ABR: variants seen among roughly 807,000 people sequenced by gnomAD.
ABR encodes active breakpoint cluster region-related protein.
A neutral mutation model predicts 107.2 loss-of-function variants in ABR; 35 were observed. The ratio of observed to expected loss-of-function variants is 0.33; its 90% CI spans 0.25 to 0.43. The LOEUF is 0.43. Among genes scored for constraint, ABR ranks in the 20% least tolerant of loss-of-function variants. The probability of loss-of-function intolerance (pLI) is 1.00; values close to 1 mark genes in which losing one functional copy is unlikely to be tolerated. For synonymous variants in ABR, 498 were observed against 462.0 expected, an observed-to-expected ratio of 1.08 and a Z score of -1.00; for missense variants, 815 against 1,115.2, an observed-to-expected ratio of 0.73 and a Z score of 3.83.
chr17:1,228,751 G>C (rs1441404428), intron 1 of ABR: 1 of 151,958 alleles, frequency 6.6e-6, no homozygotes. Context: ...CGGGGTGGGG[G>C]GCGCGCGGCG....
At chr17:1,222,533 AG>A (rs1418754143) in intron 1 of ABR, among the ~76,000 whole-genome samples, 1 of 152,236 alleles carries the variant, frequency 6.6e-6, no homozygotes, top group African/African-American at 2.4e-5. Context: ...TGGGAAGGGC[AG>A]AAAACCCATC....
intron 4 of ABR, among the ~76,000 whole-genome samples, chr17:1,085,212 G>A (rs946527149): frequency 6.5e-5 from 9 of 137,938 alleles, no homozygotes; most frequent in Admixed American, 5.3e-4. Flanking sequence ...TCCCAGGTTC[G>A]CGCCATTCTC....
rs749435127 is a variant in ABR, at chr17:1,037,451, CAGG to C, written c.1791+12596_1791+12598del. ...AAACAGCCCAAGAGCTTGTCTGCTG[CAGG>C]AGAAGTGTCCCGACAGCCCGTCCCT... On this transcript the variant is annotated intron_variant, in intron 16 of 22. Coordinates refer to ENST00000302538, the MANE Select transcript of ABR (RefSeq NM_021962.5). This position sits in a 1 kb window ranked among gnomAD's most constrained non-coding sequence, Gnocchi z 4.6. 1.1e-4 allele frequency among the ~76,000 whole-genome samples: 17 copies of C among 152,338 alleles called. No homozygotes were observed. The highest frequency in any genetic ancestry group is 5.9e-4 in the Admixed American group (9 of 15,308).
At chr17:1,178,650 A>AC (rs2042001484) in intron 1 of ABR, among the ~76,000 whole-genome samples, 1 of 151,668 alleles carries the variant, frequency 6.6e-6, no homozygotes, top group Non-Finnish European at 1.5e-5. Context: ...ACGTGGCCCC[A>AC]CGTGCCTCCC....
chr17:1,012,634 G>C (rs998479689), intron 18 of ABR, 54 bp downstream of exon 18: 15 of 1,349,660 alleles, frequency 1.1e-5, no homozygotes, highest in African/African-American at 4.4e-5. Context: ...GGCCCGGGCT[G>C]GGGGGGACCC....
chr17:1,027,487 A>G lies in ABR; in HGVS notation c.1792-14323T>C, dbSNP rs2072286814. Among the ~76,000 whole-genome samples the G allele has an allele frequency of 6.6e-6, 1 of 152,200 alleles. No homozygotes were observed. Among genetic ancestry groups the G allele is most frequent in the South Asian group, 2.1e-4 (1 of 4,832 alleles). On this transcript the variant is annotated intron_variant, in intron 16 of 22. Coordinates refer to ENST00000302538, the MANE Select transcript of ABR (RefSeq NM_021962.5). This position sits in a 1 kb window ranked among gnomAD's most constrained non-coding sequence, Gnocchi z 4.7. ...GGGTTCCCGCTCTGCGGACTCAAGC[A>G]AGCCTCTTGGGAGCTGGCCTGGCAG...
intron 1 of ABR, among the ~76,000 whole-genome samples, chr17:1,215,430 G>A (rs1396903804): frequency 3.9e-5 from 6 of 152,196 alleles, no homozygotes; most frequent in Admixed American, 2.0e-4. Flanking sequence ...TGGTGGAGAC[G>A]GGGTTTCGCT....
In ABR at chr17:1,092,480, T is replaced by C. The variant is rs1308241922; in HGVS notation, c.346-630A>G. Among the ~76,000 whole-genome samples the C allele has an allele frequency of 6.6e-6, 1 of 152,150 alleles. No individual in the cohort carries two copies. Among genetic ancestry groups the C allele is most frequent in the Non-Finnish European group, 1.5e-5 (1 of 68,018 alleles). Reference sequence around the variant, plus strand: ...GGCAGGGGTCTCCAGTCTCAGACTCTTTCTCAATGCCTGCCTGTCTATACC... The same window carrying C: ...GGCAGGGGTCTCCAGTCTCAGACTCCTTCTCAATGCCTGCCTGTCTATACC... On this transcript the variant is annotated intron_variant, in intron 3 of 22. Coordinates refer to ENST00000302538, the MANE Select transcript of ABR (RefSeq NM_021962.5). This position sits in a 1 kb window ranked among gnomAD's most constrained non-coding sequence, Gnocchi z 4.6.
intron 4 of ABR, among the ~76,000 whole-genome samples, chr17:1,086,044 G>C (rs1168845990): frequency 6.6e-6 from 1 of 152,132 alleles, no homozygotes; most frequent in African/African-American, 2.4e-5. Context: ...TACTTGGGAG[G>C]ACAAGGCAGG....
intron 1 of ABR, among the ~76,000 whole-genome samples, chr17:1,204,040 C>T (rs1404094074): frequency 1.3e-5 from 2 of 152,226 alleles, no homozygotes; most frequent in African/African-American, 4.8e-5. Flanking sequence ...ACGGGCCAGC[C>T]CAGTCCACTC....
chr17:1,090,863 C>G (rs976939195), intron 4 of ABR, among the ~76,000 whole-genome samples: 2 of 152,158 alleles, frequency 1.3e-5, no homozygotes, highest in African/African-American at 4.8e-5. Context: ...GCCTGCTGGG[C>G]GGTCAGACGT....
At position 1,067,852 on chromosome 17, in the gene ABR, A is replaced by C. The variant is rs141141834; in HGVS notation, c.1017-610T>G. Among the ~76,000 whole-genome samples, 474 of 152,338 alleles carry C rather than the reference A, an allele frequency of 3.1e-3. 1 individual carries two copies. The highest frequency in any genetic ancestry group is 0.011 in the African/African-American group (449 of 41,584). ...ACGACAGGCAGAAGCATGTGTGCTT[A>C]TTATTGCCATCTCTGCCTCAGAACT... On this transcript the variant is annotated intron_variant, in intron 9 of 22. Coordinates refer to ENST00000302538, the MANE Select transcript of ABR (RefSeq NM_021962.5).
rs915311463 is a variant in ABR at position 1,179,889 on chromosome 17, C to A, written c.-162G>T. ...GAGCGCGGGGCGGCCGGGGCAGGGG[C>A]GAGGGCGGGGCGGGAGCCCCCAAAA... On this transcript the variant is annotated 5_prime_UTR_variant, in exon 1 of 23. Coordinates refer to ENST00000302538, the MANE Select transcript of ABR (RefSeq NM_021962.5). The surrounding 1 kb of genome is among the most constrained non-coding windows in gnomAD (Gnocchi z 4.9). 1 of 541,890 alleles carries A rather than the reference C, an allele frequency of 1.8e-6. No individual in the cohort carries two copies. The highest frequency in any genetic ancestry group is 2.1e-5 in the African/African-American group (1 of 47,988). 33.6% of individuals were successfully genotyped at this position (541,890 alleles called of 1,614,324 possible). A position where few individuals can be genotyped will look rare whatever the true frequency, so the allele number is the denominator to read the frequency against.
intron 9 of ABR, among the ~76,000 whole-genome samples, chr17:1,069,245 T>C (rs2151164593): frequency 6.6e-6 from 1 of 152,308 alleles, no homozygotes; most frequent in African/African-American, 2.4e-5. Context: ...GAGTCGGACC[T>C]CATGCTTCAG....
At chr17:1,226,375 A>G (rs2150771190) in intron 1 of ABR, among the ~76,000 whole-genome samples, 1 of 152,202 alleles carries the variant, frequency 6.6e-6, no homozygotes, top group Admixed American at 6.5e-5. Context: ...CAGTGTGCAC[A>G]TGTATGTACA....
intron 2 of ABR, among the ~76,000 whole-genome samples, chr17:1,115,038 G>A (rs1185879689): frequency 1.3e-5 from 2 of 152,202 alleles, no homozygotes; most frequent in Non-Finnish European, 1.5e-5. Context: ...ACAGAGGTAG[G>A]CAGGGGGTCC....
At chr17:1,223,826 T>C (rs1478957436) in intron 1 of ABR, among the ~76,000 whole-genome samples, 1 of 152,060 alleles carries the variant, frequency 6.6e-6, no homozygotes, top group African/African-American at 2.4e-5. Context: ...CCAGATCTCA[T>C]GAGAACTCCC....
At chr17:1,008,059 C>T (rs997344893) in intron 21 of ABR, among the ~76,000 whole-genome samples, 3 of 152,164 alleles carry the variant, frequency 2.0e-5, no homozygotes, top group Non-Finnish European at 4.4e-5. Context: ...GGGTCTGCCT[C>T]ATGGGACCCA....
chr17:1,009,927 G>T (rs113037146), intron 20 of ABR, 143 bp from the exon 21 acceptor site: 10 of 682,906 alleles, frequency 1.5e-5, no homozygotes, highest in African/African-American at 1.1e-4. Flanking sequence ...GGAGGGCCTG[G>T]TGTCTGGGTG....
Sources: gnomAD v4.1 joint callset for allele counts (sites outside exome capture counted in the v4.1 genomes callset) on GRCh38, gnomAD v4.1.1 for gene constraint, Gnocchi (gnomAD v3.1) non-coding constraint, MANE v1.5 for transcripts, NCBI Gene and HGNC (gene_info 2026-07-23, HGNC 2026-07-21) for gene names.